The following CEP350 variants were observed in gnomAD, a reference collection of about 807,000 sequenced individuals.
CEP350 encodes centrosomal protein 350, also known as centrosome-associated protein 350.
A neutral mutation model predicts 331.8 loss-of-function variants in CEP350; 126 were observed. The ratio of observed to expected loss-of-function variants is 0.38; its 90% CI spans 0.33 to 0.44. The LOEUF is 0.44. Among genes scored for constraint, CEP350 ranks in the 20% least tolerant of loss-of-function variants. CEP350 has a pLI of 1.00. For missense variants in CEP350, 3,406 were observed against 3,634.6 expected, an observed-to-expected ratio of 0.94 and a Z score of 1.62; for synonymous variants, 1,200 against 1,259.5, an observed-to-expected ratio of 0.95 and a Z score of 1.00.
intron 1 of CEP350, among the ~76,000 whole-genome samples, chr1:179,958,158 GC>G (rs1650316937): frequency 6.6e-6 from 1 of 151,930 alleles, no homozygotes; most frequent in Non-Finnish European, 1.5e-5. Context: ...CTCAAAATGG[GC>G]CTTTTTTTTC....
At chr1:179,975,600 AATGAT>A (rs1277819241) in intron 1 of CEP350, among the ~76,000 whole-genome samples, 1 of 152,310 alleles carries the variant, frequency 6.6e-6, no homozygotes, top group African/African-American at 2.4e-5. Context: ...CAAAGGTATA[AATGAT>A]ATGATAACTA....
rs1356489829 is a variant in CEP350 at position 180,053,383 on chromosome 1, A to G, written c.4989+217A>G. Among the ~76,000 whole-genome samples the G allele has an allele frequency of 2.0e-5, 3 of 152,310 alleles. 1 individual carries two copies. The South Asian group carries it at 6.2e-4, about 32-fold the overall frequency. ...GGAATGATATATAAGGCCTTTGAGG[A>G]TCTGAGCCAATATTATCTCTCTAGC... On this transcript the variant is annotated intron_variant, in intron 23 of 37. Transcript: ENST00000367607.
intron 1 of CEP350, among the ~76,000 whole-genome samples, chr1:179,969,866 A>G (rs1273989957): frequency 6.6e-6 from 1 of 152,196 alleles, no homozygotes; most frequent in Admixed American, 6.5e-5. Flanking sequence ...GAGTTAACTA[A>G]TAGTAACACT....
At chr1:180,003,074 A>G (rs1653970698) in intron 6 of CEP350, 100 bp from the exon 7 acceptor site, 3 of 729,574 alleles carry the variant, frequency 4.1e-6, no homozygotes, top group Non-Finnish European at 6.8e-6. Flanking sequence ...AAAAGAGTGA[A>G]TTTTATGTAT....
intron 22 of CEP350, chr1:180,052,304 G>T (rs1442011189): frequency 2.2e-6 from 1 of 447,950 alleles, no homozygotes; most frequent in Non-Finnish European, 4.5e-6. Context: ...ATCCCAAAAT[G>T]CTGGAATTAC....
In CEP350 at chr1:180,090,745, ACAGAGT is replaced by A; in HGVS notation, c.6462_6467del (p.Ser2155_Glu2156del). ...AACGGCAAAGAATTGGAAATCACTA[ACAGAGT>A]CAGAACGTTCCAGAGGATCCCTGGA... On this transcript the variant is annotated inframe_deletion, in exon 33 of 38. Coordinates refer to ENST00000367607, the MANE Select transcript of CEP350 (RefSeq NM_014810.5). 9 of 1,553,784 alleles carry A rather than the reference ACAGAGT, an allele frequency of 5.8e-6. No individual in the cohort carries two copies. The highest frequency in any genetic ancestry group is 7.8e-6 in the Non-Finnish European group (9 of 1,147,928).
Position 180,080,641 on chromosome 1 carries a change from C to T in CEP350, c.6104C>T (p.Ser2035Leu). 2 of 1,613,658 alleles carry T rather than the reference C, an allele frequency of 1.2e-6. No individual in the cohort carries two copies. Among genetic ancestry groups the T allele is most frequent in the East Asian group, 4.5e-5 (2 of 44,852 alleles). ...CACTGTTATAGTTGGTCAGATGAGTCATTATCTATGACACAGTCAGGTAAG... is the reference window on the plus strand; with the variant it reads ...CACTGTTATAGTTGGTCAGATGAGTTATTATCTATGACACAGTCAGGTAAG... ...HQHCYSWSDESLSMTQSETTS... is the reference protein window; with the variant it reads ...HQHCYSWSDELLSMTQSETTS... Residue 2035 changes from serine to leucine, a missense_variant, in exon 30 of 38, where the codon TCA (serine) becomes TTA (leucine). By Grantham distance (145) the Ser-to-Leu change is moderately radical (BLOSUM62 -2). Transcript: ENST00000367607.
rs1237803648 is a variant in CEP350, at chr1:180,112,854, T to A, written c.*1693T>A. The A allele has an allele frequency of 6.5e-6, 1 of 152,680 alleles. No individual in the cohort carries two copies. Among genetic ancestry groups the A allele is most frequent in the Non-Finnish European group, 1.5e-5 (1 of 68,042 alleles). 9.5% of individuals were successfully genotyped at this position (152,680 alleles called of 1,614,324 possible). On this transcript the variant is annotated 3_prime_UTR_variant, in exon 38 of 38. Coordinates refer to ENST00000367607, the MANE Select transcript of CEP350 (RefSeq NM_014810.5). ...CCCATTCCTCTTGGGTTTCATCTTG[T>A]CGTTTAAGAAATGTACTGAAATAAT...
At position 179,996,696 on chromosome 1, in the gene CEP350, A is replaced by G; in HGVS notation, c.539A>G (p.Asp180Gly). 1 of 1,613,710 alleles carries G rather than the reference A, an allele frequency of 6.2e-7. No homozygotes were observed. The highest frequency in any genetic ancestry group is 8.5e-7 in the Non-Finnish European group (1 of 1,179,792). ...GAAGAACGGAATATACGGAGCTGTG[A>G]TTTTGAGAGCTCCCAATCATCTGTC... The part of the protein sequence containing the change: ...SREERNIRSC[D>G]FESSQSSVIN... The change falls in exon 6 of 38, where the codon GAT becomes GGT. Residue 180 changes from aspartate (D) to glycine (G), a missense_variant. Physicochemically the swap from Asp to Gly is moderately conservative, Grantham distance 94. Coordinates refer to ENST00000367607, the MANE Select transcript of CEP350 (RefSeq NM_014810.5).
Position 180,006,490 on chromosome 1 carries a change from G to A in CEP350, c.1169G>A (p.Ser390Asn). ...ATAAAGGAGAAACCTGCTGAAAAAA[G>A]TAAAGAGAAGAAAGTAGTCAAGCCA... ...ISIKEKPAEK[S>N]KEKKVVKPVR... Residue 390 changes from serine to asparagine, a missense_variant, in exon 8 of 38, where the codon AGT (serine) becomes AAT (asparagine). Physicochemically the swap from Ser to Asn is conservative, Grantham distance 46. Around this residue, in one of 5 missense-constraint regions of CEP350, gnomAD observed 1,857 missense variants for 1,909.2 expected, o/e 0.97. Transcript: ENST00000367607. The A allele has an allele frequency of 6.5e-7, 1 of 1,548,274 alleles. No homozygotes were observed.
chr1:179,965,426 A>G (rs928031715), intron 1 of CEP350, among the ~76,000 whole-genome samples: 13 of 152,088 alleles, frequency 8.5e-5, no homozygotes, highest in African/African-American at 2.9e-4. Context: ...TCAAGTGTCT[A>G]AGTCCAGAGT....
rs115387934 is a variant in CEP350, at chr1:180,005,497, G to A, written c.1133-957G>A. Among the ~76,000 whole-genome samples the A allele has an allele frequency of 4.6e-3, 695 of 151,806 alleles. 6 individuals are homozygous for A. The highest frequency in any genetic ancestry group is 0.016 in the African/African-American group (658 of 41,396). On this transcript the variant is annotated intron_variant, in intron 7 of 37. Coordinates refer to ENST00000367607, the MANE Select transcript of CEP350 (RefSeq NM_014810.5). ...TTCCATTACCACCACCTAGATCGAGGCCACCATCAGTTTCCTATCTGGATT... is the reference window on the plus strand; with the variant it reads ...TTCCATTACCACCACCTAGATCGAGACCACCATCAGTTTCCTATCTGGATT...
intron 6 of CEP350, among the ~76,000 whole-genome samples, chr1:180,001,128 TAATTCTTTGATA>T (rs908857398): frequency 1.3e-5 from 2 of 152,248 alleles, no homozygotes; most frequent in Non-Finnish European, 2.9e-5. Context: ...TATGGGTTGC[TAATTCTTTGATA>T]AGTTGAGCCC....
At chr1:180,060,750 A>G (rs763590213) in intron 25 of CEP350, among the ~76,000 whole-genome samples, 1 of 152,242 alleles carries the variant, frequency 6.6e-6, no homozygotes, top group Non-Finnish European at 1.5e-5. Flanking sequence ...GTAAATTAGC[A>G]TGGTGAAATA....
At chr1:180,022,935 T>G in intron 13 of CEP350, 87 bp downstream of exon 13, 1 of 1,333,260 alleles carries the variant, frequency 7.5e-7, no homozygotes, top group Non-Finnish European at 1.0e-6. Context: ...TAGCCAAGTT[T>G]TGCTCATTTA....
chr1:180,065,783 T>G (rs538624394), intron 27 of CEP350, among the ~76,000 whole-genome samples: 1 of 152,048 alleles, frequency 6.6e-6, no homozygotes, highest in African/African-American at 2.4e-5. Flanking sequence ...TATCTGCACA[T>G]GTACCCATAA....
rs1661458227 is a variant in CEP350 at position 180,111,291 on chromosome 1, A to T, written c.*130A>T. On this transcript the variant is annotated 3_prime_UTR_variant, in exon 38 of 38. Coordinates refer to ENST00000367607, the MANE Select transcript of CEP350 (RefSeq NM_014810.5). ...GTACTTATTCTTAAAGACTACCAGTATGGAGTTCATAGGACAATGTGGTAC... is the reference window on the plus strand; with the variant it reads ...GTACTTATTCTTAAAGACTACCAGTTTGGAGTTCATAGGACAATGTGGTAC... 1.8e-6 allele frequency: 2 copies of T among 1,103,460 alleles called. No homozygotes were observed. Among genetic ancestry groups the T allele is most frequent in the Admixed American group, 2.6e-5 (1 of 38,464 alleles). The allele number at this position is 1,103,460 out of a possible 1,614,324, so 68.4% of individuals were successfully genotyped here.
rs752775905 is a variant in CEP350, at chr1:180,037,101, G to C, written c.4110+12G>C. ...CTCAGATAATAAAGGTATTTTTGGA[G>C]TTTTTTAGCTTTCTGTGGTTTTTCT... On this transcript the variant is annotated intron_variant, in intron 17 of 37. Coordinates refer to ENST00000367607, the MANE Select transcript of CEP350 (RefSeq NM_014810.5). 6.5e-7 allele frequency: 1 copy of C among 1,547,428 alleles called. No individual in the cohort carries two copies. Among genetic ancestry groups the C allele is most frequent in the Non-Finnish European group, 8.7e-7 (1 of 1,152,354 alleles).
intron 27 of CEP350, among the ~76,000 whole-genome samples, chr1:180,070,044 C>T (rs1052939192): frequency 5.3e-5 from 8 of 152,122 alleles, no homozygotes; most frequent in Admixed American, 3.9e-4. Flanking sequence ...ATCTTGAGTT[C>T]GCTTGTAAAT....
Sources: allele counts gnomAD v4.1 joint callset (sites outside exome capture counted in the v4.1 genomes callset), GRCh38; gene constraint gnomAD v4.1.1; regional missense constraint gnomAD v4.1.1; transcripts MANE v1.5; gene names NCBI Gene and HGNC (gene_info 2026-07-23, HGNC 2026-07-21).